The following RGL1 variants were observed in gnomAD, a reference collection of about 807,000 sequenced individuals.
RGL1 encodes ral guanine nucleotide dissociation stimulator-like 1.
In RGL1, 24 loss-of-function variants were observed where a neutral mutation model predicts 95.2. The observed-to-expected ratio is 0.25, with a 90% CI of 0.18 to 0.35. The LOEUF (loss-of-function observed/expected upper bound fraction) is 0.35. RGL1 is among the 10% of genes least tolerant of loss of function. The pLI, the probability that RGL1 is intolerant of heterozygous loss-of-function variation, is 1.00. For synonymous variants in RGL1, 329 were observed against 344.9 expected (o/e 0.95, Z 0.51); for missense variants, 715 against 936.3 (o/e 0.76, Z 3.08).
chr1:183,665,219 T>C (rs1171116487), intron 1 of RGL1, among the ~76,000 whole-genome samples: 1 of 152,208 alleles, frequency 6.6e-6, no homozygotes, highest in Non-Finnish European at 1.5e-5. Flanking sequence ...TTGAATCAGC[T>C]TTACATAGCT....
chr1:183,720,252 T>C (rs954488089), intron 1 of RGL1, among the ~76,000 whole-genome samples: 1 of 152,138 alleles, frequency 6.6e-6, no homozygotes, highest in Non-Finnish European at 1.5e-5. Flanking sequence ...TGCCAAAATA[T>C]TAGAGTAAAA....
chr1:183,920,801 C>T (rs549205546), intron 16 of RGL1, among the ~76,000 whole-genome samples: 29 of 152,176 alleles, frequency 1.9e-4, no homozygotes, highest in Admixed American at 1.9e-3. Context: ...GTAACAGACA[C>T]GTGAACAAGA....
intron 1 of RGL1, among the ~76,000 whole-genome samples, chr1:183,708,574 C>T (rs973239382): frequency 6.6e-6 from 1 of 152,206 alleles, no homozygotes; most frequent in African/African-American, 2.4e-5. Context: ...CAAGCTCCTG[C>T]CCAGCCTAGT....
chr1:183,910,070 T>C (rs1223242271), intron 14 of RGL1, among the ~76,000 whole-genome samples: 2 of 152,150 alleles, frequency 1.3e-5, no homozygotes, highest in Non-Finnish European at 2.9e-5. Flanking sequence ...CCCACTCCTG[T>C]TGCTTTTCTT....
At chr1:183,789,083 G>T (rs1231589513) in intron 2 of RGL1, among the ~76,000 whole-genome samples, 1 of 152,220 alleles carries the variant, frequency 6.6e-6, no homozygotes, top group Non-Finnish European at 1.5e-5. Context: ...TAGTGTAAGT[G>T]CTTTGTCTGT....
At chr1:183,683,605 C>T (rs2102086441) in intron 1 of RGL1, among the ~76,000 whole-genome samples, 1 of 152,156 alleles carries the variant, frequency 6.6e-6, no homozygotes, top group South Asian at 2.1e-4. Context: ...AAAATTTTTC[C>T]TTTGTTTCAA....
intron 1 of RGL1, among the ~76,000 whole-genome samples, chr1:183,654,987 C>T (rs774582297): frequency 6.6e-6 from 1 of 152,162 alleles, no homozygotes; most frequent in Non-Finnish European, 1.5e-5. Flanking sequence ...GTGAAATTGA[C>T]ATGTATTGGA....
At chr1:183,882,903 A>G (rs1157720092) in intron 5 of RGL1, among the ~76,000 whole-genome samples, 1 of 152,220 alleles carries the variant, frequency 6.6e-6, no homozygotes, top group Non-Finnish European at 1.5e-5. Context: ...CATTTCTGCT[A>G]AGATATAACT....
intron 1 of RGL1, among the ~76,000 whole-genome samples, chr1:183,711,957 T>C (rs1436428774): frequency 6.6e-6 from 1 of 152,194 alleles, no homozygotes; most frequent in African/African-American, 2.4e-5. Flanking sequence ...AGTTTTCCCA[T>C]CTATAAATCT....
chr1:183,641,554 GCCC>G (rs144754165), intron 1 of RGL1, among the ~76,000 whole-genome samples: 4 of 151,630 alleles, frequency 2.6e-5, no homozygotes, highest in Non-Finnish European at 5.9e-5. Context: ...ACAGGCATGA[GCCC>G]CCCCCACCAT....
intron 2 of RGL1, among the ~76,000 whole-genome samples, chr1:183,753,644 C>A (rs957892148): frequency 2.6e-5 from 4 of 152,160 alleles, no homozygotes; most frequent in Admixed American, 6.5e-5. Flanking sequence ...AATAAACAAG[C>A]TGGCATTTTG....
At chr1:183,839,656 C>A (rs550548919) in intron 2 of RGL1, among the ~76,000 whole-genome samples, 2 of 152,148 alleles carry the variant, frequency 1.3e-5, no homozygotes, top group African/African-American at 4.8e-5. Context: ...TGCTTAAAAC[C>A]TCATCATTGG....
intron 1 of RGL1, among the ~76,000 whole-genome samples, chr1:183,683,758 G>T (rs1011460997): frequency 6.6e-6 from 1 of 152,194 alleles, no homozygotes; most frequent in Admixed American, 6.5e-5. Context: ...CCTGAAGAGT[G>T]TTTTCCAACT....
chr1:183,805,971 C>CTTTTCTT (rs1661282214), intron 1 of RGL1, among the ~76,000 whole-genome samples: 1 of 74,646 alleles, frequency 1.3e-5, no homozygotes, highest in African/African-American at 5.1e-5. Context: ...CTTTTCTTTT[C>CTTTTCTT]TTTTTTTTTT....
intron 2 of RGL1, among the ~76,000 whole-genome samples, chr1:183,819,768 T>A (rs2500122): frequency 0.59 from 88,591 of 151,368 alleles, 26,026 homozygotes; most frequent in South Asian, 0.67. Context: ...TAAAAGAGTG[T>A]TGAAGCAACA....
intron 1 of RGL1, among the ~76,000 whole-genome samples, chr1:183,733,070 A>G (rs1457939363): frequency 6.6e-6 from 1 of 152,150 alleles, no homozygotes; most frequent in Non-Finnish European, 1.5e-5. Flanking sequence ...TGCATTCTAT[A>G]TGGTACAGTA....
chr1:183,779,597 G>A (rs896369792), intron 2 of RGL1, among the ~76,000 whole-genome samples: 2 of 152,050 alleles, frequency 1.3e-5, no homozygotes, highest in African/African-American at 2.4e-5. Context: ...CAGGTTTCAC[G>A]ATGAGTGTGT....
chr1:183,735,705 T>G (rs1656898392), intron 1 of RGL1, among the ~76,000 whole-genome samples: 1 of 152,330 alleles, frequency 6.6e-6, no homozygotes, highest in South Asian at 2.1e-4. Flanking sequence ...TTAGTATTAC[T>G]ACGAAATTAT....
At chr1:183,648,573 T>G (rs1296609156) in intron 1 of RGL1, 1 of 1,614,198 alleles carries the variant, frequency 6.2e-7, no homozygotes, top group East Asian at 2.2e-5. Flanking sequence ...AGTTTTTAGT[T>G]CATAAAATGT....
Sources: allele counts gnomAD v4.1 joint callset (sites outside exome capture counted in the v4.1 genomes callset), GRCh38; gene constraint gnomAD v4.1.1; transcripts MANE v1.5; gene names NCBI Gene and HGNC (gene_info 2026-07-23, HGNC 2026-07-21).